Variants in MOB3B observed in about 807,000 individuals in gnomAD.
MOB3B encodes the protein MOB kinase activator 3B, also known as MOB kinase activator-like 2B.
MOB3B carries 7 observed loss-of-function variants against 18.7 expected under a neutral mutation model. The observed-to-expected ratio is 0.37, with a 90% CI of 0.21 to 0.70. The LOEUF is 0.70. MOB3B is among the 30% of genes least tolerant of loss of function. The probability of loss-of-function intolerance (pLI) is 0.52; values close to 1 mark genes in which losing one functional copy is unlikely to be tolerated. For missense variants in MOB3B, 253 were observed against 281.3 expected, an observed-to-expected ratio of 0.90 and a Z score of 0.72; for synonymous variants, 111 against 99.9, an observed-to-expected ratio of 1.11 and a Z score of -0.66.
intron 3 of MOB3B, among the ~76,000 whole-genome samples, chr9:27,345,850 C>T (rs1445286927): frequency 2.0e-5 from 3 of 152,268 alleles, no homozygotes; most frequent in East Asian, 1.9e-4. Context: ...GAACTGGGCT[C>T]GTGGAGCTGG....
In MOB3B at chr9:27,327,627, T is replaced by G. The variant is rs1820731550; in HGVS notation, c.*2960A>C. 6.6e-6 allele frequency: 1 copy of G among 151,766 alleles called. No individual in the cohort carries two copies. The allele number at this position is 151,766 out of a possible 1,614,324, so 9.4% of individuals were successfully genotyped here. ...ACTCAGACACACACAAAAGGGCAAC[T>G]CTAATCAATTAAAGGAAACAAAAGA... On this transcript the variant is annotated 3_prime_UTR_variant, in exon 4 of 4. Coordinates refer to ENST00000262244, the MANE Select transcript of MOB3B (RefSeq NM_024761.5).
chr9:27,430,556 T>C (rs1822402883), intron 2 of MOB3B, among the ~76,000 whole-genome samples: 1 of 152,122 alleles, frequency 6.6e-6, no homozygotes, highest in Admixed American at 6.5e-5. Flanking sequence ...CTTTTTTTTG[T>C]TTGAAAAATA....
At chr9:27,473,785 C>T (rs1352375340) in intron 1 of MOB3B, among the ~76,000 whole-genome samples, 1 of 152,048 alleles carries the variant, frequency 6.6e-6, no homozygotes, top group African/African-American at 2.4e-5. Flanking sequence ...GGGAAGCTGC[C>T]AAGACAGTCT....
intron 2 of MOB3B, among the ~76,000 whole-genome samples, chr9:27,433,841 G>A (rs1822452810): frequency 1.3e-5 from 2 of 152,168 alleles, no homozygotes; most frequent in Admixed American, 1.3e-4. Flanking sequence ...AGAGCCTGCA[G>A]AGGTCAAGCA....
chr9:27,451,278 G>C (rs1822778471), intron 2 of MOB3B, among the ~76,000 whole-genome samples: 1 of 152,146 alleles, frequency 6.6e-6, no homozygotes. Flanking sequence ...AAATATAATT[G>C]AAAAGGAGGT....
At chr9:27,481,117 A>G (rs1819642025) in intron 1 of MOB3B, among the ~76,000 whole-genome samples, 2 of 152,236 alleles carry the variant, frequency 1.3e-5, no homozygotes, top group Non-Finnish European at 2.9e-5. Context: ...AGAATAAAAC[A>G]GTATGCCTTT....
chr9:27,429,192 C>T (rs1030511321), intron 2 of MOB3B, among the ~76,000 whole-genome samples: 1 of 152,110 alleles, frequency 6.6e-6, no homozygotes, highest in African/African-American at 2.4e-5. Context: ...CCTATTACAC[C>T]CACTTCAACT....
At chr9:27,396,115 T>C (rs1821794691) in intron 2 of MOB3B, among the ~76,000 whole-genome samples, 1 of 152,008 alleles carries the variant, frequency 6.6e-6, no homozygotes, top group African/African-American at 2.4e-5. Flanking sequence ...TTAAATTTAT[T>C]TCAGGTTCCT....
At chr9:27,332,389 G>A (rs764943463) in intron 3 of MOB3B, among the ~76,000 whole-genome samples, 4 of 152,218 alleles carry the variant, frequency 2.6e-5, no homozygotes, top group African/African-American at 4.8e-5. Context: ...GAGAAGTAGG[G>A]AGAGAGAAAG....
At chr9:27,490,243 C>T (rs1436063026) in intron 1 of MOB3B, among the ~76,000 whole-genome samples, 2 of 152,128 alleles carry the variant, frequency 1.3e-5, no homozygotes, top group Non-Finnish European at 2.9e-5. Context: ...GGACCTACCA[C>T]GTATCAGGCG....
At chr9:27,469,270 G>C (rs1189433909) in intron 1 of MOB3B, among the ~76,000 whole-genome samples, 1 of 151,822 alleles carries the variant, frequency 6.6e-6, no homozygotes, top group Non-Finnish European at 1.5e-5. Flanking sequence ...GCCTGGCTGG[G>C]AATTTTTTTT....
chr9:27,434,739 C>A (rs2131426059), intron 2 of MOB3B, among the ~76,000 whole-genome samples: 1 of 152,238 alleles, frequency 6.6e-6, no homozygotes, highest in East Asian at 1.9e-4. Context: ...CTACCCCTCA[C>A]ACATTTCCTC....
At chr9:27,357,149 T>TATATA (rs1338116205) in intron 3 of MOB3B, among the ~76,000 whole-genome samples, 2 of 44,382 alleles carry the variant, frequency 4.5e-5, no homozygotes, top group Non-Finnish European at 9.6e-5. Flanking sequence ...TATATATGTG[T>TATATA]TTTTTTTTTT....
At chr9:27,501,962 C>A (rs909336262) in intron 1 of MOB3B, among the ~76,000 whole-genome samples, 1 of 152,120 alleles carries the variant, frequency 6.6e-6, no homozygotes, top group African/African-American at 2.4e-5. Flanking sequence ...CCTTGATGCT[C>A]TTTCAGGAAA....
chr9:27,463,269 T>C (rs759168659), intron 1 of MOB3B, among the ~76,000 whole-genome samples: 1 of 152,118 alleles, frequency 6.6e-6, no homozygotes, highest in Non-Finnish European at 1.5e-5. Context: ...TTCACAACCT[T>C]ATGAATAGGT....
At chr9:27,514,498 T>C (rs1820200267) in intron 1 of MOB3B, among the ~76,000 whole-genome samples, 1 of 152,236 alleles carries the variant, frequency 6.6e-6, no homozygotes, top group South Asian at 2.1e-4. Flanking sequence ...TGGGTCAATC[T>C]GACAGAATAG....
intron 1 of MOB3B, among the ~76,000 whole-genome samples, chr9:27,483,912 A>C (rs2131480929): frequency 6.6e-6 from 1 of 152,292 alleles, no homozygotes; most frequent in South Asian, 2.1e-4. Flanking sequence ...ATCTTCAAAA[A>C]AGCTACAGAC....
intron 2 of MOB3B, among the ~76,000 whole-genome samples, chr9:27,403,163 GA>G (rs1397198631): frequency 6.6e-6 from 1 of 152,172 alleles, no homozygotes; most frequent in African/African-American, 2.4e-5. Flanking sequence ...CAAGAAGACA[GA>G]AAAAAGAACT....
At chr9:27,509,611 T>C (rs1325641173) in intron 1 of MOB3B, among the ~76,000 whole-genome samples, 1 of 151,506 alleles carries the variant, frequency 6.6e-6, no homozygotes, top group Non-Finnish European at 1.5e-5. Context: ...GAGATGAGTT[T>C]TCACCATGTT....
Sources: allele counts gnomAD v4.1 joint callset (sites outside exome capture counted in the v4.1 genomes callset), GRCh38; gene constraint gnomAD v4.1.1; transcripts MANE v1.5; gene names NCBI Gene and HGNC (gene_info 2026-07-23, HGNC 2026-07-21).